Variants in SLC30A9 observed in about 807,000 individuals in gnomAD.
The protein encoded by SLC30A9 is proton-coupled zinc antiporter SLC30A9, mitochondrial.
Under a neutral mutation model 87.5 loss-of-function variants are expected in SLC30A9, and 58 were observed. The ratio of observed to expected loss-of-function variants is 0.66; its 90% CI spans 0.54 to 0.82. The LOEUF is 0.82. SLC30A9 is among the 40% of genes least tolerant of loss of function. The pLI, the probability that SLC30A9 is intolerant of heterozygous loss-of-function variation, is 0.00. For synonymous variants in SLC30A9, 234 were observed against 233.0 expected, an observed-to-expected ratio of 1.00 and a Z score of -0.04; for missense variants, 557 against 679.1, an observed-to-expected ratio of 0.82 and a Z score of 2.00.
chr4:42,017,375 G>GTT (rs61558035), intron 2 of SLC30A9, among the ~76,000 whole-genome samples: 293 of 138,734 alleles, frequency 2.1e-3, no homozygotes, highest in African/African-American at 7.2e-3. Flanking sequence ...TTTTTTCTCT[G>GTT]TTTTTTTTTT....
chr4:42,067,227 T>C (rs1362301166), intron 14 of SLC30A9, 35 bp downstream of exon 14: 3 of 1,258,472 alleles, frequency 2.4e-6, no homozygotes, highest in East Asian at 2.3e-5. Context: ...GATTTATTTG[T>C]CCTACTTAAA....
intron 10 of SLC30A9, 131 bp from the exon 11 acceptor site, chr4:42,062,853 CTT>C (rs1265226903): frequency 2.7e-6 from 2 of 751,500 alleles, no homozygotes; most frequent in Non-Finnish European, 4.1e-6. Flanking sequence ...AAGTTTGGCA[CTT>C]AACATCTTAC....
At chr4:42,045,335 AGAGAG>A (rs1462264783) in intron 8 of SLC30A9, among the ~76,000 whole-genome samples, 18 of 152,156 alleles carry the variant, frequency 1.2e-4, no homozygotes, top group Admixed American at 1.2e-3. Flanking sequence ...AAAAAAGAAA[AGAGAG>A]GAGAATCAAA....
chr4:42,063,585 T>G (rs560026071), intron 11 of SLC30A9, among the ~76,000 whole-genome samples: 32 of 152,320 alleles, frequency 2.1e-4, no homozygotes, highest in African/African-American at 7.2e-4. Context: ...AATGGGAGGA[T>G]AGCAGGATGA....
intron 7 of SLC30A9, 77 bp from the exon 8 acceptor site, chr4:42,038,909 G>T (rs1716800145): frequency 1.2e-6 from 1 of 855,470 alleles, no homozygotes; most frequent in Non-Finnish European, 2.0e-6. Flanking sequence ...AAATGTTCTG[G>T]TCTGTCAAAG....
intron 16 of SLC30A9, 34 bp from the exon 17 acceptor site, chr4:42,078,178 A>G: frequency 8.9e-7 from 1 of 1,126,684 alleles, no homozygotes; most frequent in Non-Finnish European, 1.3e-6. Flanking sequence ...TGGTTTTTTA[A>G]AAATTTATTT....
chr4:42,029,968 C>A, intron 6 of SLC30A9: 1 of 893,332 alleles, frequency 1.1e-6, no homozygotes, highest in Non-Finnish European at 1.8e-6. Context: ...CTCCTGCAGC[C>A]CAAATACCTG....
At chr4:42,023,878 C>T (rs548748544) in intron 6 of SLC30A9, among the ~76,000 whole-genome samples, 5 of 152,130 alleles carry the variant, frequency 3.3e-5, no homozygotes, top group African/African-American at 4.8e-5. Flanking sequence ...CGAGAGACAG[C>T]GTGTGTGTAG....
chr4:42,017,563 C>G (rs901139655), intron 2 of SLC30A9, among the ~76,000 whole-genome samples: 3 of 151,746 alleles, frequency 2.0e-5, no homozygotes, highest in Non-Finnish European at 2.9e-5. Context: ...ATTAATCTAC[C>G]TGTAATTGTT....
intron 17 of SLC30A9, among the ~76,000 whole-genome samples, chr4:42,080,906 C>A (rs1289445302): frequency 1.3e-5 from 2 of 152,196 alleles, no homozygotes; most frequent in African/African-American, 4.8e-5. Flanking sequence ...CACAGAAGTA[C>A]TTAGATCTTT....
chr4:42,076,902 C>T (rs1718576615), intron 16 of SLC30A9, among the ~76,000 whole-genome samples: 2 of 145,464 alleles, frequency 1.4e-5, no homozygotes. Flanking sequence ...TTGGAGGTTG[C>T]AGTGAGCCTA....
chr4:42,079,369 C>A (rs1193498728), intron 17 of SLC30A9, among the ~76,000 whole-genome samples: 1 of 151,692 alleles, frequency 6.6e-6, no homozygotes, highest in East Asian at 1.9e-4. Context: ...TCTGGGCTCA[C>A]TGTAACCTCC....
chr4:42,064,485 GT>G (rs1379834498), intron 11 of SLC30A9, among the ~76,000 whole-genome samples: 1 of 152,128 alleles, frequency 6.6e-6, no homozygotes, highest in Non-Finnish European at 1.5e-5. Flanking sequence ...GTTTTCTATA[GT>G]TTTGATTGAC....
intron 6 of SLC30A9, among the ~76,000 whole-genome samples, chr4:42,031,529 T>C (rs894633909): frequency 2.6e-5 from 4 of 152,238 alleles, no homozygotes; most frequent in African/African-American, 9.6e-5. Context: ...TATAGTTATT[T>C]AAAATTATGT....
intron 8 of SLC30A9, among the ~76,000 whole-genome samples, chr4:42,042,704 C>T (rs1418342162): frequency 6.6e-6 from 1 of 152,158 alleles, no homozygotes; most frequent in African/African-American, 2.4e-5. Flanking sequence ...GCGGATCTCC[C>T]AGCACAGCGC....
At chr4:42,045,725 G>A (rs1386447138) in intron 8 of SLC30A9, among the ~76,000 whole-genome samples, 3 of 152,120 alleles carry the variant, frequency 2.0e-5, no homozygotes, top group Non-Finnish European at 4.4e-5. Context: ...CGTTTTATGA[G>A]GCCAGCATCA....
chr4:42,014,075 CAA>C (rs1023225434), intron 2 of SLC30A9, among the ~76,000 whole-genome samples: 7 of 152,048 alleles, frequency 4.6e-5, no homozygotes, highest in Admixed American at 2.0e-4. Flanking sequence ...CAAAATATCT[CAA>C]GAGACGTTTT....
At chr4:42,003,674 G>A (rs1250900205) in intron 2 of SLC30A9, among the ~76,000 whole-genome samples, 1 of 152,090 alleles carries the variant, frequency 6.6e-6, no homozygotes, top group African/African-American at 2.4e-5. Flanking sequence ...TAGGCAGTGT[G>A]CATTTACTGT....
intron 9 of SLC30A9, among the ~76,000 whole-genome samples, chr4:42,054,882 A>T (rs1717541213): frequency 6.6e-6 from 1 of 152,208 alleles, no homozygotes; most frequent in African/African-American, 2.4e-5. Context: ...AAAGAGATTC[A>T]TCCAAAATAT....
Sources: gnomAD v4.1 joint callset for allele counts (sites outside exome capture counted in the v4.1 genomes callset) on GRCh38, gnomAD v4.1.1 for gene constraint, MANE v1.5 for transcripts, NCBI Gene and HGNC (gene_info 2026-07-23, HGNC 2026-07-21) for gene names.